Variants in TRHDE observed in about 807,000 individuals in gnomAD.
The protein encoded by TRHDE is thyrotropin releasing hormone degrading enzyme.
TRHDE carries 72 observed loss-of-function variants against 125.7 expected under a neutral mutation model. That is an observed-to-expected ratio of 0.57 (90% CI 0.47 to 0.70). TRHDE has a LOEUF of 0.70. Among genes scored for constraint, TRHDE ranks in the 30% least tolerant of loss-of-function variants. TRHDE has a pLI of 0.00. For missense variants in TRHDE, 1,110 were observed against 1,327.1 expected, an observed-to-expected ratio of 0.84 and a Z score of 2.54; for synonymous variants, 509 against 509.1, an observed-to-expected ratio of 1.00 and a Z score of 0.00.
chr12:72,518,319 C>G (rs1357887720), intron 6 of TRHDE, among the ~76,000 whole-genome samples: 1 of 146,932 alleles, frequency 6.8e-6, no homozygotes, highest in Non-Finnish European at 1.5e-5. Context: ...CTTTATGAAT[C>G]TGGGTGCTCC....
At chr12:72,172,677 C>T (rs1876898914) in intron 2 of TRHDE, among the ~76,000 whole-genome samples, 1 of 152,058 alleles carries the variant, frequency 6.6e-6, no homozygotes. Flanking sequence ...TAGAACCAAA[C>T]CTAAGATAAT....
intron 6 of TRHDE, among the ~76,000 whole-genome samples, chr12:72,536,559 C>T (rs955554122): frequency 6.6e-6 from 1 of 152,100 alleles, no homozygotes; most frequent in Non-Finnish European, 1.5e-5. Context: ...AGTTGTTACA[C>T]TGTCCTGCTC....
chr12:72,599,191 G>C (rs956921188), intron 12 of TRHDE, among the ~76,000 whole-genome samples: 7 of 152,038 alleles, frequency 4.6e-5, no homozygotes, highest in African/African-American at 1.7e-4. Context: ...CAAACATAAA[G>C]AGTGCAGGTG....
chr12:72,358,266 A>G lies in TRHDE; in HGVS notation c.1189-19729A>G, dbSNP rs146837934. ...CATGAATTTTCTTCCACCTCTCCCA[A>G]CCCTGGGACAGCAAGAGCAACCCCT... On this transcript the variant is annotated intron_variant, in intron 2 of 18. Coordinates refer to ENST00000261180, the MANE Select transcript of TRHDE (RefSeq NM_013381.3). 5.8e-3 allele frequency among the ~76,000 whole-genome samples: 872 copies of G among 151,446 alleles called. 7 individuals carry two copies. Among genetic ancestry groups the G allele is most frequent in the African/African-American group, 0.02 (819 of 41,410 alleles).
At chr12:72,484,690 A>G (rs1328274234) in intron 5 of TRHDE, among the ~76,000 whole-genome samples, 1 of 152,198 alleles carries the variant, frequency 6.6e-6, no homozygotes, top group Non-Finnish European at 1.5e-5. Flanking sequence ...TGAACAAAAG[A>G]AGACATTGAA....
intron 6 of TRHDE, among the ~76,000 whole-genome samples, chr12:72,530,835 G>A (rs1050018087): frequency 1.3e-5 from 2 of 151,772 alleles, no homozygotes; most frequent in Non-Finnish European, 2.9e-5. Flanking sequence ...TATTTTCAAA[G>A]CAATAATGGG....
At chr12:72,160,927 A>T (rs1369080538) in intron 2 of TRHDE, among the ~76,000 whole-genome samples, 2 of 152,130 alleles carry the variant, frequency 1.3e-5, no homozygotes, top group African/African-American at 4.8e-5. Flanking sequence ...TGGGTGTTTG[A>T]GTAGAACTCT....
At chr12:72,519,248 C>T (rs1167638358) in intron 6 of TRHDE, among the ~76,000 whole-genome samples, 3 of 152,164 alleles carry the variant, frequency 2.0e-5, no homozygotes, top group Non-Finnish European at 4.4e-5. Flanking sequence ...TGTTTTCCAA[C>T]TTGGTTCCAT....
intron 2 of TRHDE, among the ~76,000 whole-genome samples, chr12:72,194,766 A>G (rs1483954536): frequency 6.6e-6 from 1 of 152,076 alleles, no homozygotes; most frequent in Non-Finnish European, 1.5e-5. Context: ...CGTTTTCTTT[A>G]TACAGTCCAC....
In TRHDE at chr12:72,305,110, G is replaced by T. The variant is rs187749455; in HGVS notation, c.1188+18156G>T. Reference sequence around the variant, plus strand: ...ACACAGAAAAATTTCAACAATAAAAGTTCTTAATTATGGGAAATAGTTACA... The same window carrying T: ...ACACAGAAAAATTTCAACAATAAAATTTCTTAATTATGGGAAATAGTTACA... On this transcript the variant is annotated intron_variant, in intron 2 of 18. Coordinates refer to ENST00000261180, the MANE Select transcript of TRHDE (RefSeq NM_013381.3). 7.7e-4 allele frequency among the ~76,000 whole-genome samples: 117 copies of T among 152,112 alleles called. 1 individual carries two copies. The East Asian group carries it at 0.017, about 22-fold the overall frequency.
intron 2 of TRHDE, among the ~76,000 whole-genome samples, chr12:72,231,491 T>C (rs946646249): frequency 6.6e-6 from 1 of 152,214 alleles, no homozygotes; most frequent in Non-Finnish European, 1.5e-5. Flanking sequence ...CATCAGACTT[T>C]GGAGTGGCCC....
intron 3 of TRHDE, among the ~76,000 whole-genome samples, chr12:72,456,194 G>A (rs1040564798): frequency 6.8e-6 from 1 of 146,252 alleles, no homozygotes; most frequent in African/African-American, 2.5e-5. Context: ...CAGAGAGTTG[G>A]ACATATGTTC....
At chr12:72,611,879 A>T (rs1872645060) in intron 12 of TRHDE, among the ~76,000 whole-genome samples, 1 of 152,344 alleles carries the variant, frequency 6.6e-6, no homozygotes, top group East Asian at 1.9e-4. Flanking sequence ...GGCAACCTTA[A>T]GCTTATACAA....
intron 2 of TRHDE, among the ~76,000 whole-genome samples, chr12:72,292,087 A>G (rs1880110774): frequency 1.3e-5 from 2 of 152,254 alleles, no homozygotes; most frequent in African/African-American, 4.8e-5. Context: ...ACCTTTGTCT[A>G]CTTTGAGGCT....
At chr12:72,103,474 A>G (rs527445060) in intron 1 of TRHDE, among the ~76,000 whole-genome samples, 1 of 152,254 alleles carries the variant, frequency 6.6e-6, no homozygotes, top group East Asian at 1.9e-4. Context: ...GTCATAAAAG[A>G]TACGACTTAC....
intron 3 of TRHDE, among the ~76,000 whole-genome samples, chr12:72,467,265 G>A (rs1216244224): frequency 1.4e-5 from 2 of 145,434 alleles, no homozygotes; most frequent in African/African-American, 2.6e-5. Context: ...CCTGGTATAC[G>A]ATGTTCCCCT....
intron 2 of TRHDE, among the ~76,000 whole-genome samples, chr12:72,365,442 C>T (rs1871301442): frequency 6.6e-6 from 1 of 152,074 alleles, no homozygotes; most frequent in Admixed American, 6.6e-5. Context: ...CAAACAATAA[C>T]CTTTGGTGAT....
intron 3 of TRHDE, among the ~76,000 whole-genome samples, chr12:72,438,267 A>T (rs1874835762): frequency 6.6e-6 from 1 of 151,572 alleles, no homozygotes; most frequent in Non-Finnish European, 1.5e-5. Flanking sequence ...TGACCTATTG[A>T]TGTCATTTTC....
chr12:72,172,515 A>G (rs973089417), intron 2 of TRHDE, among the ~76,000 whole-genome samples: 1 of 152,158 alleles, frequency 6.6e-6, no homozygotes, highest in African/African-American at 2.4e-5. Context: ...ACTCTGTAGG[A>G]CAGAGTTATG....
Sources: allele counts gnomAD v4.1 joint callset (sites outside exome capture counted in the v4.1 genomes callset), GRCh38; gene constraint gnomAD v4.1.1; transcripts MANE v1.5; gene names NCBI Gene and HGNC (gene_info 2026-07-23, HGNC 2026-07-21).